The following CSMD1 variants were observed in gnomAD, a reference collection of about 807,000 sequenced individuals.
The protein encoded by CSMD1 is CUB and Sushi multiple domains 1, also known as CUB and sushi domain-containing protein 1.
A neutral mutation model predicts 417.5 loss-of-function variants in CSMD1; 213 were observed. The observed-to-expected ratio is 0.51, with a 90% CI of 0.46 to 0.57. The LOEUF is 0.57. Among genes scored for constraint, CSMD1 ranks in the 20% least tolerant of loss-of-function variants. The pLI is 0.00. For synonymous variants in CSMD1, 2,862 were observed against 1,736.8 expected (o/e 1.65, Z -16.11); for missense variants, 6,923 against 4,529.7 (o/e 1.53, Z -15.17).
chr8:3,515,737 T>G (rs1014859549), intron 10 of CSMD1, among the ~76,000 whole-genome samples: 1 of 152,188 alleles, frequency 6.6e-6, no homozygotes, highest in East Asian at 1.9e-4. Flanking sequence ...TTAATTCAGG[T>G]GTATGCCTTC....
In CSMD1 at chr8:3,396,366, G is replaced by A; in HGVS notation, c.2421C>T (p.Val807=). 6.3e-7 allele frequency: 1 copy of A among 1,589,032 alleles called. No homozygotes were observed. Among genetic ancestry groups the A allele is most frequent in the African/African-American group, 1.3e-5 (1 of 74,414 alleles). The change falls in exon 17 of 70, where the codon GTC becomes GTT. Residue 807 remains valine, a synonymous_variant. Coordinates refer to ENST00000635120, the MANE Select transcript of CSMD1 (RefSeq NM_033225.6). ...KITFDRFQTE[V]NYDTLEVRDG... ...CTCTGACCTCCAAGGTGTCATAATT[G>A]ACCTCTGTCTGAAATCTGCAAATAT... is the stretch of plus-strand genomic sequence containing the variant.
chr8:3,160,160 G>A (rs1819792045), intron 38 of CSMD1, among the ~76,000 whole-genome samples: 2 of 152,106 alleles, frequency 1.3e-5, no homozygotes, highest in South Asian at 4.1e-4. Context: ...GTCTTGCTCT[G>A]TCACCTAGGC....
At chr8:4,272,833 C>G (rs564745156) in intron 3 of CSMD1, among the ~76,000 whole-genome samples, 2 of 152,176 alleles carry the variant, frequency 1.3e-5, no homozygotes, top group South Asian at 4.2e-4. Context: ...TTGTATCAGT[C>G]TTGATGAATA....
At chr8:3,961,637 G>A (rs1478955380) in intron 5 of CSMD1, among the ~76,000 whole-genome samples, 1 of 152,094 alleles carries the variant, frequency 6.6e-6, no homozygotes, top group East Asian at 1.9e-4. Context: ...TCTGTTTTAT[G>A]TAACATTCTT....
chr8:3,272,363 C>G (rs144063915), intron 26 of CSMD1, among the ~76,000 whole-genome samples: 31,700 of 136,826 alleles, frequency 0.23, 4,412 homozygotes, highest in African/African-American at 0.32. Context: ...GTCAGGTAGT[C>G]TGATGCCTCC....
At chr8:3,532,938 T>G (rs1290425791) in intron 10 of CSMD1, among the ~76,000 whole-genome samples, 2 of 152,200 alleles carry the variant, frequency 1.3e-5, no homozygotes. Flanking sequence ...CACATATACT[T>G]TCAAAGTATT....
chr8:3,131,360 G>GA (rs1420477210), intron 41 of CSMD1, among the ~76,000 whole-genome samples: 1 of 147,914 alleles, frequency 6.8e-6, no homozygotes, highest in African/African-American at 2.5e-5. Context: ...AGAAAAAAAA[G>GA]AAAAAATAAA....
intron 5 of CSMD1, among the ~76,000 whole-genome samples, chr8:3,983,990 C>T (rs577689163): frequency 6.7e-6 from 1 of 150,108 alleles, no homozygotes; most frequent in Non-Finnish European, 1.5e-5. Context: ...AGCTCTAGAG[C>T]ACAGGGCAGA....
At chr8:4,160,790 G>T (rs529534244) in intron 3 of CSMD1, among the ~76,000 whole-genome samples, 18 of 152,324 alleles carry the variant, frequency 1.2e-4, no homozygotes, top group African/African-American at 3.1e-4. Context: ...CATTTTACCC[G>T]TGAAGGTGGT....
At chr8:2,977,533 G>T (rs866846205) in intron 55 of CSMD1, among the ~76,000 whole-genome samples, 1 of 152,250 alleles carries the variant, frequency 6.6e-6, no homozygotes, top group East Asian at 1.9e-4. Context: ...TCCATGTGTG[G>T]TTATTGTGAA....
intron 41 of CSMD1, among the ~76,000 whole-genome samples, chr8:3,123,868 G>C (rs2129021877): frequency 6.6e-6 from 1 of 152,306 alleles, no homozygotes; most frequent in South Asian, 2.1e-4. Context: ...AGTATGTAAG[G>C]CATTGCATTG....
intron 7 of CSMD1, among the ~76,000 whole-genome samples, chr8:3,622,147 T>C (rs1268920673): frequency 6.6e-6 from 1 of 152,180 alleles, no homozygotes; most frequent in Non-Finnish European, 1.5e-5. Context: ...CTACTAGCTC[T>C]CTGAAATTTA....
chr8:4,390,858 A>T (rs925984183), intron 3 of CSMD1, among the ~76,000 whole-genome samples: 1 of 152,112 alleles, frequency 6.6e-6, no homozygotes, highest in Non-Finnish European at 1.5e-5. Flanking sequence ...TCCAATTTTA[A>T]GGTGTACCTC....
chr8:4,105,811 G>C (rs1017693328), intron 3 of CSMD1, among the ~76,000 whole-genome samples: 8 of 152,196 alleles, frequency 5.3e-5, no homozygotes, highest in Admixed American at 5.2e-4. Context: ...TTTCCACTGA[G>C]TTACTTGTCA....
intron 37 of CSMD1, among the ~76,000 whole-genome samples, chr8:3,172,881 C>A (rs1202964849): frequency 6.6e-6 from 1 of 152,160 alleles, no homozygotes; most frequent in South Asian, 2.1e-4. Context: ...ATATTTATCT[C>A]ATGATTGATG....
At chr8:4,441,835 T>C (rs1286760971) in intron 2 of CSMD1, among the ~76,000 whole-genome samples, 2 of 152,152 alleles carry the variant, frequency 1.3e-5, no homozygotes, top group South Asian at 2.1e-4. Flanking sequence ...GTTTGAGTAA[T>C]AAAAGCATGA....
intron 5 of CSMD1, among the ~76,000 whole-genome samples, chr8:3,955,519 C>G (rs915900443): frequency 6.6e-6 from 1 of 152,094 alleles, no homozygotes; most frequent in East Asian, 1.9e-4. Context: ...GTCAGCCAAC[C>G]TCTAATAAGT....
At chr8:4,385,609 A>G (rs933419704) in intron 3 of CSMD1, among the ~76,000 whole-genome samples, 2 of 152,198 alleles carry the variant, frequency 1.3e-5, no homozygotes, top group South Asian at 2.1e-4. Flanking sequence ...TTGCTGATTT[A>G]ATGTATTTAT....
At chr8:3,768,834 T>G (rs577612076) in intron 5 of CSMD1, among the ~76,000 whole-genome samples, 1 of 152,322 alleles carries the variant, frequency 6.6e-6, no homozygotes, top group East Asian at 1.9e-4. Flanking sequence ...CCTTGGTGGA[T>G]AGTCTAAAAG....
Sources: gnomAD v4.1 joint callset for allele counts (sites outside exome capture counted in the v4.1 genomes callset) on GRCh38, gnomAD v4.1.1 for gene constraint, MANE v1.5 for transcripts, NCBI Gene and HGNC (gene_info 2026-07-23, HGNC 2026-07-21) for gene names.